The following NFATC1 variants were observed in gnomAD, a reference collection of about 807,000 sequenced individuals.
The protein encoded by NFATC1 is nuclear factor of activated T cells 1, also known as nuclear factor of activated T-cells, cytoplasmic 1.
In NFATC1, 22 loss-of-function variants were observed where a neutral mutation model predicts 76.0. That is an observed-to-expected ratio of 0.29 (90% CI 0.21 to 0.41). The LOEUF is 0.41. Ranked by LOEUF, NFATC1 falls within the 10% of genes least tolerant of loss-of-function variation. NFATC1 has a pLI of 1.00. For missense variants in NFATC1, 1,357 were observed against 1,337.7 expected (o/e 1.01, Z -0.23); for synonymous variants, 704 against 613.1 (o/e 1.15, Z -2.19).
chr18:79,487,073 C>T, intron 9 of NFATC1, 136 bp downstream of exon 9: 2 of 1,044,596 alleles, frequency 1.9e-6, no homozygotes, highest in Non-Finnish European at 2.7e-6. Flanking sequence ...GGGGTGCGTC[C>T]TCCTGATATA....
At chr18:79,430,422 G>C (rs760251951) in intron 2 of NFATC1, among the ~76,000 whole-genome samples, 4 of 152,150 alleles carry the variant, frequency 2.6e-5, no homozygotes, top group Non-Finnish European at 4.4e-5. Context: ...TCACTCTGTT[G>C]CCCAGGCTGG....
intron 2 of NFATC1, among the ~76,000 whole-genome samples, chr18:79,411,938 T>G (rs7229088): frequency 0.61 from 93,292 of 152,090 alleles, 29,153 homozygotes; most frequent in East Asian, 0.85. Flanking sequence ...CTGGCCCCCC[T>G]CGGTGGTTGC....
Position 79,486,586 on chromosome 18 carries a change from C to T in NFATC1, c.2431C>T (p.Pro811Ser), listed in dbSNP as rs1051350259. ...QDVPRPVATH[P>S]GSPGQPPPAL... The stretch of plus-strand genomic sequence containing the variant: ...CGTGCCCAGGCCAGTGGCCACGCAC[C>T]CCGGCTCGCCCGGGCAGCCACCCCC... Residue 811 changes from proline (P) to serine (S), a missense_variant, in exon 9 of 10, where the codon CCC (proline) becomes TCC (serine). By Grantham distance (74) the Pro-to-Ser change is moderately conservative (BLOSUM62 -1). This residue lies in a region of NFATC1 where 424 missense variants were observed against 395.4 expected (regional missense o/e 1.07). Coordinates refer to ENST00000427363, the MANE Select transcript of NFATC1 (RefSeq NM_001278669.2). 1 of 1,588,812 alleles carries T rather than the reference C, an allele frequency of 6.3e-7. No homozygotes were observed. Among genetic ancestry groups the T allele is most frequent in the Non-Finnish European group, 8.5e-7 (1 of 1,172,332 alleles).
chr18:79,435,875 G>A (rs893114464), intron 3 of NFATC1, among the ~76,000 whole-genome samples: 1 of 152,180 alleles, frequency 6.6e-6, no homozygotes, highest in Non-Finnish European at 1.5e-5. Flanking sequence ...GGGAGAAAAC[G>A]GTCCCCTGCA....
intron 3 of NFATC1, among the ~76,000 whole-genome samples, chr18:79,434,096 G>A (rs765447487): frequency 1.3e-5 from 2 of 152,256 alleles, no homozygotes; most frequent in Non-Finnish European, 2.9e-5. Flanking sequence ...CCTGGTGGGG[G>A]ACCCTCAGAA....
At chr18:79,487,269 C>T (rs1399190104) in intron 9 of NFATC1, among the ~76,000 whole-genome samples, 2 of 152,322 alleles carry the variant, frequency 1.3e-5, no homozygotes, top group East Asian at 3.9e-4. Context: ...TGGAGCCGCA[C>T]GGCTCAGGCT....
At chr18:79,456,953 C>T (rs1318144918) in intron 6 of NFATC1, among the ~76,000 whole-genome samples, 3 of 152,306 alleles carry the variant, frequency 2.0e-5, no homozygotes, top group African/African-American at 4.8e-5. Flanking sequence ...ATGCTGGCCC[C>T]GAAGGCAGCA....
At position 79,451,834 on chromosome 18, in the gene NFATC1, G is replaced by A. The variant is rs756943648; in HGVS notation, c.1903+18G>A. The A allele has an allele frequency of 3.8e-6, 6 of 1,589,802 alleles. No individual in the cohort carries two copies. The African/African-American group carries it at 8.1e-5, about 21-fold the overall frequency. ...AGCCCCAGGTATGCTCTTCACCAGG[G>A]GCCATCTGCGGCCTGGGCTTCGGCG... On this transcript the variant is annotated intron_variant, in intron 6 of 9. Coordinates refer to ENST00000427363, the MANE Select transcript of NFATC1 (RefSeq NM_001278669.2).
chr18:79,433,606 G>A lies in NFATC1; in HGVS notation c.1254G>A (p.Gln418=), dbSNP rs2086672268. ...CGACCCTGCCCGCCCTGGACTGGCAGCTGCCGTCCCACTCAGGCCCGTATG... is the reference window on the plus strand; with the variant it reads ...CGACCCTGCCCGCCCTGGACTGGCAACTGCCGTCCCACTCAGGCCCGTATG... The part of the protein sequence containing the change: ...MSPTLPALDW[Q]LPSHSGPYEL... The change falls in exon 3 of 10, where the codon CAG becomes CAA. Residue 418 remains glutamine, a synonymous_variant. Coordinates refer to ENST00000427363, the MANE Select transcript of NFATC1 (RefSeq NM_001278669.2). 1 of 1,612,888 alleles carries A rather than the reference G, an allele frequency of 6.2e-7. No homozygotes were observed. The highest frequency in any genetic ancestry group is 1.3e-5 in the African/African-American group (1 of 74,896).
intron 9 of NFATC1, among the ~76,000 whole-genome samples, chr18:79,492,812 T>TGCA (rs2089723194): frequency 6.7e-6 from 1 of 149,038 alleles, no homozygotes; most frequent in African/African-American, 2.5e-5. Flanking sequence ...AGATGGAGGT[T>TGCA]GCAGTGAGCT....
chr18:79,484,753 T>G (rs957459062), intron 8 of NFATC1, among the ~76,000 whole-genome samples: 4 of 152,206 alleles, frequency 2.6e-5, no homozygotes, highest in African/African-American at 4.8e-5. Context: ...ACGGCCCATA[T>G]GGGTCAGTCC....
chr18:79,429,623 G>A (rs994749818), intron 2 of NFATC1, among the ~76,000 whole-genome samples: 12 of 152,268 alleles, frequency 7.9e-5, no homozygotes, highest in East Asian at 1.9e-4. Flanking sequence ...CAGCGGTCCC[G>A]TCTCCGCAGC....
At chr18:79,512,305 T>C (rs1321267594) in intron 9 of NFATC1, among the ~76,000 whole-genome samples, 6 of 152,190 alleles carry the variant, frequency 3.9e-5, no homozygotes, top group African/African-American at 1.4e-4. Flanking sequence ...AGCGTCTGAC[T>C]GCAGCAAAAT....
At chr18:79,450,166 G>A (rs2087401629) in intron 4 of NFATC1, among the ~76,000 whole-genome samples, 1 of 152,198 alleles carries the variant, frequency 6.6e-6, no homozygotes, top group African/African-American at 2.4e-5. Context: ...TGTGCTGGCT[G>A]CCGCCTCGTG....
In NFATC1 at chr18:79,419,264, T is replaced by A. The variant is rs530897244; in HGVS notation, c.1226+7763T>A. Among the ~76,000 whole-genome samples the A allele has an allele frequency of 6.6e-5, 10 of 152,266 alleles. No individual in the cohort carries two copies. The South Asian group carries it at 2.1e-3, about 32-fold the overall frequency. On this transcript the variant is annotated intron_variant, in intron 2 of 9. Coordinates refer to ENST00000427363, the MANE Select transcript of NFATC1 (RefSeq NM_001278669.2). ...ATCTGGAACTCCTGGCCTGAAGCAG[T>A]CCTCCCGACCTGTCCTCTCAAAGTG...
At chr18:79,488,291 G>C (rs2089574501) in intron 9 of NFATC1, among the ~76,000 whole-genome samples, 1 of 123,882 alleles carries the variant, frequency 8.1e-6, no homozygotes, top group Non-Finnish European at 1.5e-5. Flanking sequence ...GGAGCCCGCA[G>C]CCCTGGTTGT....
intron 9 of NFATC1, among the ~76,000 whole-genome samples, chr18:79,513,499 C>T (rs2090308835): frequency 6.6e-6 from 1 of 152,272 alleles, no homozygotes; most frequent in Non-Finnish European, 1.5e-5. Context: ...ACTTTAAAAA[C>T]TGGTACAAAA....
intron 1 of NFATC1, among the ~76,000 whole-genome samples, chr18:79,403,853 T>C (rs1213929865): frequency 1.3e-5 from 2 of 152,212 alleles, no homozygotes; most frequent in East Asian, 1.9e-4. Flanking sequence ...TCGGGGGCTG[T>C]GGCAGGAAAC....
intron 2 of NFATC1, among the ~76,000 whole-genome samples, chr18:79,426,261 G>A (rs2086326956): frequency 6.7e-6 from 1 of 150,212 alleles, no homozygotes; most frequent in Non-Finnish European, 1.5e-5. Flanking sequence ...CTCCCCCTCT[G>A]TCCCAGCGCA....
Sources: allele counts gnomAD v4.1 joint callset (sites outside exome capture counted in the v4.1 genomes callset), GRCh38; gene constraint gnomAD v4.1.1; regional missense constraint gnomAD v4.1.1; transcripts MANE v1.5; gene names NCBI Gene and HGNC (gene_info 2026-07-23, HGNC 2026-07-21).